Variants in STK31 observed in about 807,000 individuals in gnomAD.
STK31 encodes serine/threonine kinase 31, also known as serine/threonine-protein kinase 31.
In STK31, 89 loss-of-function variants were observed where a neutral mutation model predicts 129.7. The ratio of observed to expected loss-of-function variants is 0.69; its 90% CI spans 0.58 to 0.82. STK31 has a LOEUF of 0.82. Ranked by LOEUF, STK31 falls within the 40% of genes least tolerant of loss-of-function variation. The probability of loss-of-function intolerance (pLI) is 0.00; values close to 1 mark genes in which losing one functional copy is unlikely to be tolerated. For synonymous variants in STK31, 448 were observed against 395.3 expected, an observed-to-expected ratio of 1.13 and a Z score of -1.58; for missense variants, 1,187 against 1,176.4, an observed-to-expected ratio of 1.01 and a Z score of -0.13.
At chr7:23,790,788 G>T in intron 21 of STK31, 36 bp from the exon 22 acceptor site, 1 of 1,550,000 alleles carries the variant, frequency 6.5e-7, no homozygotes, top group Non-Finnish European at 8.7e-7. Flanking sequence ...CCTCAACTGT[G>T]TTGTATCTGA....
At position 23,744,414 on chromosome 7, in the gene STK31, T is replaced by C. The variant is rs144873580; in HGVS notation, c.1017+7336T>C. 1.9e-3 allele frequency among the ~76,000 whole-genome samples: 296 copies of C among 152,188 alleles called. 1 individual carries two copies. Among genetic ancestry groups the C allele is most frequent in the African/African-American group, 6.8e-3 (283 of 41,502 alleles). On this transcript the variant is annotated intron_variant, in intron 8 of 23. Coordinates refer to ENST00000355870, the MANE Select transcript of STK31 (RefSeq NM_031414.5). ...TTTATCTCACTGAACTTATTTAAAATCAGTATTTTGGATTTTTCATCTGGA... is the reference window on the plus strand; with the variant it reads ...TTTATCTCACTGAACTTATTTAAAACCAGTATTTTGGATTTTTCATCTGGA...
At chr7:23,745,638 G>C (rs538622603) in intron 8 of STK31, among the ~76,000 whole-genome samples, 3 of 152,332 alleles carry the variant, frequency 2.0e-5, no homozygotes, top group African/African-American at 7.2e-5. Context: ...GGCAGCAGCA[G>C]CTAGCATTGC....
In STK31 at chr7:23,754,252, ACT is replaced by A. The variant is rs1788908027; in HGVS notation, c.1134-62_1134-61del. 6 of 1,554,562 alleles carry A rather than the reference ACT, an allele frequency of 3.9e-6. No individual in the cohort carries two copies. In the South Asian group the frequency reaches 7.4e-5, roughly 19 times the overall value. ...TTTAGACCATTACTATTAAAGTGTA[ACT>A]TTTTCTCACACCAGCTTTCTAATTT... On this transcript the variant is annotated intron_variant, in intron 9 of 23. Coordinates refer to ENST00000355870, the MANE Select transcript of STK31 (RefSeq NM_031414.5).
chr7:23,717,707 TA>T, intron 4 of STK31, 128 bp downstream of exon 4: 2 of 661,156 alleles, frequency 3.0e-6, no homozygotes, highest in Admixed American at 2.9e-5. Context: ...TTGTATAAAC[TA>T]CTGTTATGGT....
At chr7:23,798,596 T>C (rs1053645596) in intron 22 of STK31, among the ~76,000 whole-genome samples, 1 of 152,282 alleles carries the variant, frequency 6.6e-6, no homozygotes, top group South Asian at 2.1e-4. Flanking sequence ...TGATGGAATG[T>C]ATTTCAAAAT....
chr7:23,830,592 T>TGTGTGTGTGTGTGTGTG (rs1794483467), intron 23 of STK31, among the ~76,000 whole-genome samples: 1 of 142,140 alleles, frequency 7.0e-6, no homozygotes, highest in Non-Finnish European at 1.5e-5. Flanking sequence ...AATTTCCATG[T>TGTGTGTGTGTGTGTGTG]TGTGTGTGTG....
intron 23 of STK31, among the ~76,000 whole-genome samples, chr7:23,827,163 G>T (rs557200800): frequency 6.6e-6 from 1 of 152,198 alleles, no homozygotes; most frequent in South Asian, 2.1e-4. Flanking sequence ...GGTTGGGGAA[G>T]TTCTCCTGGA....
At chr7:23,805,178 C>G (rs558167178) in intron 22 of STK31, among the ~76,000 whole-genome samples, 1 of 151,836 alleles carries the variant, frequency 6.6e-6, no homozygotes, top group Non-Finnish European at 1.5e-5. Context: ...TAGGTTCAAG[C>G]GATTCTCCTG....
At chr7:23,725,223 A>G (rs540630529) in intron 4 of STK31, among the ~76,000 whole-genome samples, 2 of 152,144 alleles carry the variant, frequency 1.3e-5, no homozygotes, top group East Asian at 3.9e-4. Flanking sequence ...ATATTGCCCC[A>G]GTTGAGAATG....
chr7:23,743,565 T>C (rs1164631662), intron 8 of STK31, among the ~76,000 whole-genome samples: 5 of 152,210 alleles, frequency 3.3e-5, no homozygotes, highest in Non-Finnish European at 5.9e-5. Context: ...TTTAGAAATA[T>C]CTTTGTCTTT....
Position 23,785,559 on chromosome 7 carries a change from C to G in STK31, c.2230C>G (p.Pro744Ala). The change falls in exon 18 of 24, where the codon CCT becomes GCT. Residue 744 changes from proline (P) to alanine (A), a missense_variant. Pro to Ala is a conservative substitution (Grantham distance 27). Transcript: ENST00000355870. ...CATGAAGGAACTTAGCAGCAAGCGT[C>G]CTTTGGTACGTTCTGAGGTTAATGG... ...EPMKELSSKR[P>A]LVRSEVNGQI... 1 of 1,613,822 alleles carries G rather than the reference C, an allele frequency of 6.2e-7. No individual in the cohort carries two copies. Among genetic ancestry groups the G allele is most frequent in the East Asian group, 2.2e-5 (1 of 44,862 alleles).
chr7:23,721,476 C>T (rs1721044266), intron 4 of STK31: 3 of 1,066,374 alleles, frequency 2.8e-6, no homozygotes, highest in Admixed American at 3.6e-5. Context: ...TCCTCTCTGT[C>T]CAGAGGCTGA....
At chr7:23,813,392 C>T (rs1290171053) in intron 22 of STK31, among the ~76,000 whole-genome samples, 2 of 152,002 alleles carry the variant, frequency 1.3e-5, no homozygotes, top group Non-Finnish European at 2.9e-5. Context: ...GTGTTGATTG[C>T]AGTTTCTCGT....
intron 4 of STK31, among the ~76,000 whole-genome samples, chr7:23,724,554 C>T (rs1786938957): frequency 6.6e-6 from 1 of 152,180 alleles, no homozygotes; most frequent in Admixed American, 6.5e-5. Flanking sequence ...TGCAATAAAC[C>T]ATTGCATATC....
intron 23 of STK31, among the ~76,000 whole-genome samples, chr7:23,819,340 G>A (rs1361097828): frequency 6.6e-6 from 1 of 152,088 alleles, no homozygotes; most frequent in Non-Finnish European, 1.5e-5. Flanking sequence ...TTCTGGAGAT[G>A]AAGTGACAAA....
chr7:23,786,642 C>A lies in STK31; in HGVS notation c.2400+9C>A. The A allele has an allele frequency of 6.2e-7, 1 of 1,609,104 alleles. No homozygotes were observed. On this transcript the variant is annotated intron_variant, in intron 19 of 23. Coordinates refer to ENST00000355870, the MANE Select transcript of STK31 (RefSeq NM_031414.5). ...TCCTGTTTTTATGTAAGGTAAAGTTCTTATGCTAATCTCTTGCAGAAACCA... is the reference window on the plus strand; with the variant it reads ...TCCTGTTTTTATGTAAGGTAAAGTTATTATGCTAATCTCTTGCAGAAACCA...
At chr7:23,717,807 C>T (rs539162374) in intron 4 of STK31, among the ~76,000 whole-genome samples, 9 of 152,274 alleles carry the variant, frequency 5.9e-5, no homozygotes, top group African/African-American at 2.2e-4. Flanking sequence ...ATCTTCAGGA[C>T]ATTAGCTAAA....
Position 23,832,169 on chromosome 7 carries a change from A to T in STK31, c.2863A>T (p.Ile955Leu), listed in dbSNP as rs765637099. The change falls in exon 24 of 24, where the codon ATA becomes TTA. Residue 955 changes from isoleucine (I) to leucine (L), a missense_variant. Transcript: ENST00000355870. Reference protein sequence around the residue: ...DKVKSLLCSLICYRSSMTAEQ... With the variant: ...DKVKSLLCSLLCYRSSMTAEQ... ...AGTCAAATCCCTCCTCTGTAGCTTG[A>T]TATGTTATAGAAGTTCAATGACTGC... The T allele has an allele frequency of 8.7e-6, 14 of 1,613,952 alleles. No homozygotes were observed. The highest frequency in any genetic ancestry group is 9.3e-6 in the Non-Finnish European group (11 of 1,180,004).
At chr7:23,771,153 T>A in intron 14 of STK31, 29 bp downstream of exon 14, 1 of 1,507,576 alleles carries the variant, frequency 6.6e-7, no homozygotes, top group South Asian at 1.4e-5. Context: ...TTATTGATCT[T>A]ATAAATTGAT....
Sources: gnomAD v4.1 joint callset for allele counts (sites outside exome capture counted in the v4.1 genomes callset) on GRCh38, gnomAD v4.1.1 for gene constraint, MANE v1.5 for transcripts, NCBI Gene and HGNC (gene_info 2026-07-23, HGNC 2026-07-21) for gene names.